Variants in ZC3H12C observed in about 807,000 individuals in gnomAD.
The protein encoded by ZC3H12C is zinc finger CCCH-type containing 12C.
Under a neutral mutation model 76.3 loss-of-function variants are expected in ZC3H12C, and 20 were observed. The ratio of observed to expected loss-of-function variants is 0.26; its 90% confidence interval spans 0.18 to 0.38. The LOEUF is 0.38. Ranked by LOEUF, ZC3H12C falls within the 10% of genes least tolerant of loss-of-function variation. The pLI, the probability that ZC3H12C is intolerant of heterozygous loss-of-function variation, is 1.00. For synonymous variants in ZC3H12C, 352 were observed against 399.6 expected, an observed-to-expected ratio of 0.88 and a Z score of 1.42; for missense variants, 874 against 1,086.5, an observed-to-expected ratio of 0.80 and a Z score of 2.75.
At chr11:110,131,232 A>G in intron 1 of ZC3H12C, 1 of 745,934 alleles carries the variant, frequency 1.3e-6, no homozygotes, top group Non-Finnish European at 2.2e-6. Context: ...TAGTGCCAAC[A>G]TACCAGAAAA....
intron 1 of ZC3H12C, among the ~76,000 whole-genome samples, chr11:110,099,569 T>C (rs1055754744): frequency 5.3e-5 from 8 of 152,330 alleles, no homozygotes; most frequent in Non-Finnish European, 1.0e-4. Flanking sequence ...TATTTTGATA[T>C]ATATTTACCC....
Position 110,117,869 on chromosome 11 carries a change from TAC to T in ZC3H12C, c.22-18786_22-18785del, listed in dbSNP as rs1331183710. 1.1e-4 allele frequency among the ~76,000 whole-genome samples: 8 copies of T among 74,814 alleles called. 1 individual carries two copies. Among genetic ancestry groups the T allele is most frequent in the African/African-American group, 1.7e-4 (4 of 23,446 alleles). 49.1% of individuals were successfully genotyped at this position (74,814 alleles called of 152,430 possible). On this transcript the variant is annotated intron_variant, in intron 1 of 5. Transcript: ENST00000278590. ...CACACACACATATATATAATATATA[TAC>T]ACACACATATATATATTATATATAT...
In ZC3H12C at chr11:110,171,027, G is replaced by A. The variant is rs766093122; in HGVS notation, c.*5290G>A. The A allele has an allele frequency of 1.3e-5, 2 of 152,084 alleles. No individual in the cohort carries two copies. The highest frequency in any genetic ancestry group is 4.8e-5 in the African/African-American group (2 of 41,410). 9.4% of individuals were successfully genotyped at this position (152,084 alleles called of 1,614,324 possible). On this transcript the variant is annotated 3_prime_UTR_variant, in exon 6 of 6. Transcript: ENST00000278590. ...GTAGAAAATGTGCATGTTTTAACTT[G>A]GTTTTATAAAATCTGTAATGTTTCA...
At position 110,118,012 on chromosome 11, in the gene ZC3H12C, TAC is replaced by T. The variant is rs1162789600; in HGVS notation, c.22-18641_22-18640del. Reference sequence around the variant, plus strand: ...TATACACACATATATATTATATATATACACACACACATATATATTATATATAT... The same window carrying T: ...TATACACACATATATATTATATATATACACACACATATATATTATATATAT... On this transcript the variant is annotated intron_variant, in intron 1 of 5. Transcript: ENST00000278590. Among the ~76,000 whole-genome samples, 99 of 127,846 alleles carry T rather than the reference TAC, an allele frequency of 7.7e-4. 22 individuals are homozygous for T. The highest frequency in any genetic ancestry group is 9.0e-3 in the Middle Eastern group (2 of 222). 83.9% of individuals were successfully genotyped at this position (127,846 alleles called of 152,430 possible). A position where few individuals can be genotyped will look rare whatever the true frequency, so the allele number is the denominator to read the frequency against.
chr11:110,140,775 C>T (rs1281050992), intron 2 of ZC3H12C, among the ~76,000 whole-genome samples: 1 of 152,118 alleles, frequency 6.6e-6, no homozygotes, highest in Non-Finnish European at 1.5e-5. Flanking sequence ...CTCACATGAA[C>T]CACTTTTGCC....
chr11:110,167,255 C>A lies in ZC3H12C; in HGVS notation c.*1518C>A, dbSNP rs1282435181. ...GAAGCCCTGAAAAACCAGAAAGTAC[C>A]TTTTACTGTTGATACAAATTGTATC... On this transcript the variant is annotated 3_prime_UTR_variant, in exon 6 of 6. Transcript: ENST00000278590. 4 of 152,124 alleles carry A rather than the reference C, an allele frequency of 2.6e-5. No homozygotes were observed. The highest frequency in any genetic ancestry group is 6.5e-5 in the Admixed American group (1 of 15,272). 9.4% of individuals were successfully genotyped at this position (152,124 alleles called of 1,614,324 possible).
At chr11:110,105,113 A>G (rs966684553) in intron 1 of ZC3H12C, among the ~76,000 whole-genome samples, 2 of 152,134 alleles carry the variant, frequency 1.3e-5, no homozygotes, top group African/African-American at 4.8e-5. Context: ...TCCGTGATTT[A>G]ATCTGTTTCA....
intron 1 of ZC3H12C, among the ~76,000 whole-genome samples, chr11:110,100,832 T>A (rs1166684564): frequency 6.6e-6 from 1 of 152,208 alleles, no homozygotes; most frequent in African/African-American, 2.4e-5. Context: ...TGTAATGGCC[T>A]TAAGTGTTCA....
intron 1 of ZC3H12C, among the ~76,000 whole-genome samples, chr11:110,095,048 C>T (rs1197997247): frequency 1.3e-5 from 2 of 151,970 alleles, no homozygotes; most frequent in Non-Finnish European, 2.9e-5. Context: ...GGAAGTCTAA[C>T]GGAACTATTT....
chr11:110,160,797 T>C (rs2134198680), intron 4 of ZC3H12C, among the ~76,000 whole-genome samples: 1 of 152,306 alleles, frequency 6.6e-6, no homozygotes, highest in African/African-American at 2.4e-5. Flanking sequence ...ATATAGTAAC[T>C]ATATAAACCA....
At chr11:110,107,428 G>A (rs1861350534) in intron 1 of ZC3H12C, among the ~76,000 whole-genome samples, 1 of 152,062 alleles carries the variant, frequency 6.6e-6, no homozygotes, top group African/African-American at 2.4e-5. Flanking sequence ...TGTCACTCAG[G>A]CTGGAGTACA....
At chr11:110,134,072 G>T (rs1007952898) in intron 1 of ZC3H12C, among the ~76,000 whole-genome samples, 1 of 152,140 alleles carries the variant, frequency 6.6e-6, no homozygotes, top group Non-Finnish European at 1.5e-5. Flanking sequence ...CAGGGATTTG[G>T]TCAGCAAGTC....
intron 1 of ZC3H12C, 23 bp from the exon 2 acceptor site, chr11:110,136,640 A>G: frequency 6.3e-7 from 1 of 1,594,342 alleles, no homozygotes; most frequent in Non-Finnish European, 8.5e-7. Flanking sequence ...ATGAAATTCT[A>G]AATATTTTAC....
chr11:110,117,570 C>T (rs1200356261), intron 1 of ZC3H12C, among the ~76,000 whole-genome samples: 1 of 149,798 alleles, frequency 6.7e-6, no homozygotes, highest in Non-Finnish European at 1.5e-5. Flanking sequence ...TTCAAACAAC[C>T]ATATTTTATC....
At chr11:110,149,006 T>C (rs1862220160) in intron 2 of ZC3H12C, among the ~76,000 whole-genome samples, 1 of 152,340 alleles carries the variant, frequency 6.6e-6, no homozygotes, top group South Asian at 2.1e-4. Context: ...TCCTTCATCA[T>C]GCGTCAGTAA....
intron 1 of ZC3H12C, among the ~76,000 whole-genome samples, chr11:110,104,733 C>T (rs1282073672): frequency 6.6e-6 from 1 of 152,178 alleles, no homozygotes; most frequent in African/African-American, 2.4e-5. Flanking sequence ...CAAACATGAT[C>T]TACTTTGAAG....
chr11:110,136,357 G>A (rs994621710), intron 1 of ZC3H12C: 1 of 247,094 alleles, frequency 4.0e-6, no homozygotes. Context: ...TCGAGATTGA[G>A]AAGGAGCATG....
chr11:110,145,240 T>C (rs1310338957), intron 2 of ZC3H12C, among the ~76,000 whole-genome samples: 1 of 152,222 alleles, frequency 6.6e-6, no homozygotes, highest in Non-Finnish European at 1.5e-5. Context: ...TAGGCCCTTC[T>C]CTTGAGGGCA....
At position 110,171,474 on chromosome 11, in the gene ZC3H12C, G is replaced by A. The variant is rs917214233; in HGVS notation, c.*5737G>A. 1.3e-5 allele frequency: 2 copies of A among 152,144 alleles called. No homozygotes were observed. Among genetic ancestry groups the A allele is most frequent in the African/African-American group, 4.8e-5 (2 of 41,430 alleles). 9.4% of individuals were successfully genotyped at this position (152,144 alleles called of 1,614,324 possible). A position where few individuals can be genotyped will look rare whatever the true frequency, so the allele number is the denominator to read the frequency against. On this transcript the variant is annotated 3_prime_UTR_variant, in exon 6 of 6. Coordinates refer to ENST00000278590, the MANE Select transcript of ZC3H12C (RefSeq NM_033390.2). The stretch of plus-strand genomic sequence containing the variant: ...TAGTGCAACCATCTGATAAACTAGT[G>A]TGATTGTATTTATCCTCTGTTCTGT...
Sources: gnomAD v4.1 joint callset for allele counts (sites outside exome capture counted in the v4.1 genomes callset) on GRCh38, gnomAD v4.1.1 for gene constraint, MANE v1.5 for transcripts, NCBI Gene and HGNC (gene_info 2026-07-23, HGNC 2026-07-21) for gene names.